Variants in ADAMTS17 observed in about 807,000 individuals in gnomAD.
ADAMTS17 encodes A disintegrin and metalloproteinase with thrombospondin motifs 17.
A neutral mutation model predicts 141.5 loss-of-function variants in ADAMTS17; 113 were observed. That is an observed-to-expected ratio of 0.80 (90% CI 0.69 to 0.93). ADAMTS17 has a LOEUF of 0.93. Among genes scored for constraint, ADAMTS17 ranks in the 40% least tolerant of loss-of-function variants. ADAMTS17 has a pLI of 0.00. For missense variants in ADAMTS17, 1,659 were observed against 1,517.9 expected (o/e 1.09, Z -1.54); for synonymous variants, 768 against 630.6 (o/e 1.22, Z -3.27).
chr15:99,997,512 T>A lies in ADAMTS17; in HGVS notation c.2669A>T (p.Tyr890Phe), dbSNP rs2060827733. Reference protein sequence around the residue: ...GFQHREVTCVYQLQNGTHVAT... With the variant: ...GFQHREVTCVFQLQNGTHVAT... ...GACGTGTGTGCCGTTCTGCAGCTGG[T>A]ACACGCAGGTCACCTCCCGGTGCTG... Residue 890 changes from tyrosine (Y) to phenylalanine (F), a missense_variant, in exon 19 of 22, where the codon TAC (tyrosine) becomes TTC (phenylalanine). Transcript: ENST00000268070. This position sits in a 1 kb window ranked among gnomAD's most constrained non-coding sequence, Gnocchi z 4.7. The A allele has an allele frequency of 6.2e-7, 1 of 1,613,498 alleles. No individual in the cohort carries two copies. The highest frequency in any genetic ancestry group is 1.3e-5 in the African/African-American group (1 of 74,928).
At chr15:100,285,226 G>A (rs933771897) in intron 3 of ADAMTS17, among the ~76,000 whole-genome samples, 16 of 152,074 alleles carry the variant, frequency 1.1e-4, no homozygotes, top group African/African-American at 3.9e-4. Flanking sequence ...AAATCCTTCT[G>A]GAACAAGATG....
At chr15:100,283,242 C>T (rs1299081910) in intron 3 of ADAMTS17, among the ~76,000 whole-genome samples, 8 of 152,170 alleles carry the variant, frequency 5.3e-5, no homozygotes, top group African/African-American at 9.7e-5. Context: ...TGAAGCCTTC[C>T]GGGCCTCAGT....
intron 15 of ADAMTS17, among the ~76,000 whole-genome samples, chr15:100,080,389 G>C (rs1344409058): frequency 6.6e-6 from 1 of 151,476 alleles, no homozygotes; most frequent in African/African-American, 2.4e-5. Context: ...CACAAAGGAG[G>C]TAAGGAAGAG....
At chr15:100,020,133 C>T (rs934510221) in intron 18 of ADAMTS17, among the ~76,000 whole-genome samples, 1 of 152,240 alleles carries the variant, frequency 6.6e-6, no homozygotes, top group Non-Finnish European at 1.5e-5. Context: ...GACGGATTAA[C>T]ACCAGTGGGA....
chr15:100,252,846 A>C (rs1221178901), intron 7 of ADAMTS17, among the ~76,000 whole-genome samples: 1 of 152,200 alleles, frequency 6.6e-6, no homozygotes, highest in African/African-American at 2.4e-5. Flanking sequence ...GTAAACTCTA[A>C]AATGTGACAT....
chr15:100,316,066 A>C (rs1165122255), intron 3 of ADAMTS17, among the ~76,000 whole-genome samples: 1 of 152,258 alleles, frequency 6.6e-6, no homozygotes, highest in Non-Finnish European at 1.5e-5. Context: ...TTGTTCATGC[A>C]GGAAGAAATT....
intron 3 of ADAMTS17, among the ~76,000 whole-genome samples, chr15:100,291,883 T>G (rs564145612): frequency 6.6e-6 from 1 of 152,246 alleles, no homozygotes; most frequent in Non-Finnish European, 1.5e-5. Context: ...ACCCCCACGA[T>G]GCGATTTATT....
intron 12 of ADAMTS17, among the ~76,000 whole-genome samples, chr15:100,131,235 G>A (rs1429232645): frequency 6.6e-6 from 1 of 151,902 alleles, no homozygotes; most frequent in Non-Finnish European, 1.5e-5. Context: ...GAGGGGCAAG[G>A]GGAGGGACAG....
chr15:99,992,541 T>C (rs888417059), intron 20 of ADAMTS17, among the ~76,000 whole-genome samples: 8 of 152,192 alleles, frequency 5.3e-5, no homozygotes, highest in Non-Finnish European at 7.3e-5. Flanking sequence ...TCAGTGGCCC[T>C]TTATTCACCC....
intron 15 of ADAMTS17, among the ~76,000 whole-genome samples, chr15:100,059,993 T>C (rs1028280167): frequency 1.3e-5 from 2 of 152,238 alleles, no homozygotes; most frequent in Non-Finnish European, 1.5e-5. Context: ...TGAGATTAAT[T>C]AGTGTGCACT....
intron 7 of ADAMTS17, among the ~76,000 whole-genome samples, chr15:100,222,217 A>G (rs868334705): frequency 2.6e-5 from 4 of 152,242 alleles, no homozygotes; most frequent in African/African-American, 9.6e-5. Context: ...AGATCCCAGA[A>G]AGGAAGCAGA....
At chr15:100,262,050 G>C (rs7183111) in intron 5 of ADAMTS17, among the ~76,000 whole-genome samples, 1 of 152,004 alleles carries the variant, frequency 6.6e-6, no homozygotes, top group South Asian at 2.1e-4. Flanking sequence ...TTCAGAAGGG[G>C]AGCCACAATG....
chr15:100,087,751 C>G (rs1188432353), intron 15 of ADAMTS17, among the ~76,000 whole-genome samples: 2 of 152,192 alleles, frequency 1.3e-5, no homozygotes, highest in African/African-American at 2.4e-5. Context: ...ATGATTATCT[C>G]AATAGATGCA....
intron 8 of ADAMTS17, among the ~76,000 whole-genome samples, chr15:100,186,504 C>T (rs1009225629): frequency 5.3e-5 from 8 of 152,242 alleles, no homozygotes; most frequent in Non-Finnish European, 1.0e-4. Context: ...CCCATCTTGG[C>T]GCCATCTCAA....
chr15:100,281,519 G>A lies in ADAMTS17; in HGVS notation c.617-118C>T, dbSNP rs566950281. ...AGTGGTCAGTCTCGACAGGCCTAGA[G>A]GGGCCCAGCACCCAGCAATCTCCAC... On this transcript the variant is annotated intron_variant, in intron 3 of 21. Coordinates refer to ENST00000268070, the MANE Select transcript of ADAMTS17 (RefSeq NM_139057.4). The A allele has an allele frequency of 3.0e-6, 4 of 1,330,470 alleles. No individual in the cohort carries two copies. In the African/African-American group the frequency reaches 5.8e-5, roughly 19 times the overall value. The allele number at this position is 1,330,470 out of a possible 1,614,324, so 82.4% of individuals were successfully genotyped here.
In ADAMTS17 at chr15:100,076,799, A is replaced by G. The variant is rs192124842; in HGVS notation, c.2137+19557T>C. Among the ~76,000 whole-genome samples the G allele has an allele frequency of 3.9e-5, 6 of 152,328 alleles. No individual in the cohort carries two copies. The East Asian group carries it at 1.2e-3, about 29-fold the overall frequency. On this transcript the variant is annotated intron_variant, in intron 15 of 21. Coordinates refer to ENST00000268070, the MANE Select transcript of ADAMTS17 (RefSeq NM_139057.4). ...AATACTACACAAACAAAAACATAGC[A>G]TAGTATTTTCATATTTACATTTGTC...
rs75751900 is a variant in ADAMTS17 at position 100,035,806 on chromosome 15, G to A, written c.2591+13051C>T. ...GCAATGTCAAATCCTGCAAGAACCT[G>A]GGAGTAAGTAGTATAAATATGAAAA... On this transcript the variant is annotated intron_variant, in intron 18 of 21. Transcript: ENST00000268070. 4.9e-3 allele frequency among the ~76,000 whole-genome samples: 743 copies of A among 152,246 alleles called. 4 individuals carry two copies. The highest frequency in any genetic ancestry group is 0.02 in the Middle Eastern group (6 of 294).
intron 8 of ADAMTS17, among the ~76,000 whole-genome samples, chr15:100,192,164 G>A (rs2040942825): frequency 6.6e-6 from 1 of 152,338 alleles, no homozygotes; most frequent in Admixed American, 6.5e-5. Context: ...CAGGGGCCAA[G>A]TGCAGAGGAA....
intron 14 of ADAMTS17, among the ~76,000 whole-genome samples, chr15:100,108,179 T>C (rs1309178904): frequency 6.6e-6 from 1 of 151,570 alleles, no homozygotes; most frequent in Non-Finnish European, 1.5e-5. Flanking sequence ...ATTCCTTTTT[T>C]TTTTCCCCCC....
Sources: allele counts gnomAD v4.1 joint callset (sites outside exome capture counted in the v4.1 genomes callset), GRCh38; gene constraint gnomAD v4.1.1; non-coding constraint Gnocchi (gnomAD v3.1); transcripts MANE v1.5; gene names NCBI Gene and HGNC (gene_info 2026-07-23, HGNC 2026-07-21).